The following GALNTL6 variants were observed in gnomAD, a reference collection of about 807,000 sequenced individuals.
The protein encoded by GALNTL6 is polypeptide N-acetylgalactosaminyltransferase-like 6.
In GALNTL6, 46 loss-of-function variants were observed where a neutral mutation model predicts 73.7. The ratio of observed to expected loss-of-function variants is 0.62; its 90% CI spans 0.49 to 0.80. The LOEUF (loss-of-function observed/expected upper bound fraction) is 0.80. GALNTL6 is among the 30% of genes least tolerant of loss of function. GALNTL6 has a pLI of 0.00. For missense variants in GALNTL6, 604 were observed against 755.0 expected, an observed-to-expected ratio of 0.80 and a Z score of 2.34; for synonymous variants, 259 against 263.7, an observed-to-expected ratio of 0.98 and a Z score of 0.17.
At chr4:173,018,029 A>T (rs1305793189) in intron 11 of GALNTL6, among the ~76,000 whole-genome samples, 1 of 152,222 alleles carries the variant, frequency 6.6e-6, no homozygotes, top group Non-Finnish European at 1.5e-5. Context: ...CTAGGTAGTG[A>T]TTACATTCCC....
At chr4:172,755,192 G>A (rs1385041116) in intron 5 of GALNTL6, among the ~76,000 whole-genome samples, 1 of 151,578 alleles carries the variant, frequency 6.6e-6, no homozygotes. Context: ...AGGATTATCA[G>A]TGACCACTTA....
At chr4:172,684,606 G>A (rs1732813879) in intron 5 of GALNTL6, among the ~76,000 whole-genome samples, 1 of 152,156 alleles carries the variant, frequency 6.6e-6, no homozygotes, top group Admixed American at 6.5e-5. Context: ...GAAACTGGAT[G>A]GGTAGTACCT....
chr4:172,960,570 A>G (rs1749994350), intron 10 of GALNTL6, among the ~76,000 whole-genome samples: 1 of 152,148 alleles, frequency 6.6e-6, no homozygotes, highest in Non-Finnish European at 1.5e-5. Context: ...CAGGAGGGAA[A>G]GAAGGAAGAT....
chr4:172,435,566 A>G (rs1347726040), intron 5 of GALNTL6, among the ~76,000 whole-genome samples: 2 of 152,164 alleles, frequency 1.3e-5, no homozygotes, highest in Non-Finnish European at 1.5e-5. Flanking sequence ...GCTCCATCAC[A>G]TTCTATCTTA....
At chr4:171,896,463 C>T (rs971906668) in intron 2 of GALNTL6, among the ~76,000 whole-genome samples, 1 of 152,124 alleles carries the variant, frequency 6.6e-6, no homozygotes, top group African/African-American at 2.4e-5. Context: ...TCTGTCCATC[C>T]TACTGTAACT....
intron 2 of GALNTL6, among the ~76,000 whole-genome samples, chr4:172,169,306 T>C (rs1267988754): frequency 6.6e-6 from 1 of 152,190 alleles, no homozygotes; most frequent in Admixed American, 6.5e-5. Context: ...GCTTCACCTA[T>C]TGTGATGTTT....
intron 2 of GALNTL6, among the ~76,000 whole-genome samples, chr4:172,167,717 G>A (rs1734672105): frequency 6.6e-6 from 1 of 151,756 alleles, no homozygotes; most frequent in Non-Finnish European, 1.5e-5. Context: ...CCAGCACTTT[G>A]GGAGGCCGAG....
intron 2 of GALNTL6, among the ~76,000 whole-genome samples, chr4:172,093,041 T>G (rs573648949): frequency 6.6e-6 from 1 of 152,018 alleles, no homozygotes; most frequent in South Asian, 2.1e-4. Flanking sequence ...GCCTGACTAA[T>G]TTTTTGTATT....
chr4:172,484,994 C>A (rs1313996815), intron 5 of GALNTL6, among the ~76,000 whole-genome samples: 1 of 151,928 alleles, frequency 6.6e-6, no homozygotes. Flanking sequence ...ATATAAAGAG[C>A]ATAATTGGGA....
intron 5 of GALNTL6, among the ~76,000 whole-genome samples, chr4:172,520,401 A>G (rs1734738641): frequency 1.3e-5 from 2 of 151,954 alleles, no homozygotes; most frequent in South Asian, 4.1e-4. Flanking sequence ...TATTCCACAT[A>G]CCAATAAACT....
chr4:172,876,399 C>A (rs578030767), intron 7 of GALNTL6, among the ~76,000 whole-genome samples: 6 of 152,320 alleles, frequency 3.9e-5, no homozygotes, highest in African/African-American at 1.4e-4. Context: ...TCTACTAACT[C>A]TTTTCTAAAC....
At chr4:172,498,297 A>G (rs998680421) in intron 5 of GALNTL6, among the ~76,000 whole-genome samples, 11 of 152,036 alleles carry the variant, frequency 7.2e-5, no homozygotes, top group Admixed American at 3.3e-4. Context: ...TGAATGTCAC[A>G]TTTCATTCTG....
At chr4:172,004,497 C>T in intron 2 of GALNTL6, among the ~76,000 whole-genome samples, 1 of 151,872 alleles carries the variant, frequency 6.6e-6, no homozygotes, top group East Asian at 1.9e-4. Flanking sequence ...ACTTTAGATC[C>T]ATTGGATTAA....
chr4:172,855,559 C>T (rs1351180758), intron 7 of GALNTL6, among the ~76,000 whole-genome samples: 1 of 152,124 alleles, frequency 6.6e-6, no homozygotes, highest in Non-Finnish European at 1.5e-5. Flanking sequence ...CATGAGAGCT[C>T]ATTGGAACTT....
intron 3 of GALNTL6, among the ~76,000 whole-genome samples, chr4:172,265,648 C>T (rs1738424785): frequency 6.6e-6 from 1 of 152,008 alleles, no homozygotes; most frequent in African/African-American, 2.4e-5. Context: ...TGTAGAAGCT[C>T]TTCCAAAGAA....
At chr4:173,034,665 T>C (rs1197433545) in intron 12 of GALNTL6, among the ~76,000 whole-genome samples, 1 of 152,218 alleles carries the variant, frequency 6.6e-6, no homozygotes, top group Non-Finnish European at 1.5e-5. Flanking sequence ...CCTCAGATGT[T>C]ACCTTCTCAG....
At chr4:172,258,236 C>A (rs1379935107) in intron 3 of GALNTL6, among the ~76,000 whole-genome samples, 1 of 151,274 alleles carries the variant, frequency 6.6e-6, no homozygotes, top group Non-Finnish European at 1.5e-5. Flanking sequence ...ATGCCAAATG[C>A]AAAATGTGTC....
chr4:172,165,274 A>G (rs372304780), intron 2 of GALNTL6, among the ~76,000 whole-genome samples: 70 of 152,262 alleles, frequency 4.6e-4, no homozygotes, highest in South Asian at 1.7e-3. Flanking sequence ...AGATAAATCT[A>G]TCATCAAGGA....
chr4:172,559,014 A>C (rs967594519), intron 5 of GALNTL6, among the ~76,000 whole-genome samples: 1 of 146,906 alleles, frequency 6.8e-6, no homozygotes, highest in African/African-American at 2.5e-5. Flanking sequence ...TTTACATAAA[A>C]TTTCCTGAGA....
Sources: allele counts gnomAD v4.1 joint callset (sites outside exome capture counted in the v4.1 genomes callset), GRCh38; gene constraint gnomAD v4.1.1; transcripts MANE v1.5; gene names NCBI Gene and HGNC (gene_info 2026-07-23, HGNC 2026-07-21).